Variants in NMT2 observed in about 807,000 individuals in gnomAD.
NMT2 encodes the protein N-myristoyltransferase 2.
Under a neutral mutation model 65.4 loss-of-function variants are expected in NMT2, and 35 were observed. That is an observed-to-expected ratio of 0.54 (90% confidence interval 0.41 to 0.71). NMT2 has a LOEUF of 0.71. Among genes scored for constraint, NMT2 ranks in the 30% least tolerant of loss-of-function variants. The pLI, the probability that NMT2 is intolerant of heterozygous loss-of-function variation, is 0.00. For synonymous variants in NMT2, 226 were observed against 231.8 expected (o/e 0.98, Z 0.23); for missense variants, 489 against 611.3 (o/e 0.80, Z 2.11).
intron 3 of NMT2, among the ~76,000 whole-genome samples, chr10:15,134,057 A>C (rs1256704179): frequency 1.3e-5 from 2 of 152,056 alleles, no homozygotes; most frequent in Admixed American, 6.6e-5. Flanking sequence ...TGTTCTTTTT[A>C]CTGCATTTCC....
intron 1 of NMT2, among the ~76,000 whole-genome samples, chr10:15,142,746 A>C (rs1846820276): frequency 6.6e-6 from 1 of 152,236 alleles, no homozygotes; most frequent in Admixed American, 6.5e-5. Flanking sequence ...AATTTGTGCT[A>C]TCATGATGTT....
Position 15,106,022 on chromosome 10 carries a change from T to C in NMT2, c.*3173A>G, listed in dbSNP as rs1396599546. 9 of 412,460 alleles carry C rather than the reference T, an allele frequency of 2.2e-5. No individual in the cohort carries two copies. The highest frequency in any genetic ancestry group is 3.8e-5 in the Non-Finnish European group (8 of 210,462). 25.6% of individuals were successfully genotyped at this position (412,460 alleles called of 1,614,324 possible). ...TATTTATTTTACTTTCGAGATAGAG[T>C]CTCACTCTGTTGCCCAGGCTGGAGT... On this transcript the variant is annotated 3_prime_UTR_variant, in exon 12 of 12. Transcript: ENST00000378165.
At chr10:15,120,646 T>G (rs916357007) in intron 8 of NMT2, among the ~76,000 whole-genome samples, 1 of 152,138 alleles carries the variant, frequency 6.6e-6, no homozygotes, top group African/African-American at 2.4e-5. Context: ...AAAATACAAC[T>G]GAGCAACTTG....
intron 1 of NMT2, among the ~76,000 whole-genome samples, chr10:15,152,716 A>G (rs1173672740): frequency 1.3e-5 from 2 of 152,218 alleles, no homozygotes; most frequent in Non-Finnish European, 2.9e-5. Flanking sequence ...TCATTTACCA[A>G]TAAAGACACT....
chr10:15,136,582 T>C (rs1192765483), intron 2 of NMT2, among the ~76,000 whole-genome samples: 2 of 152,036 alleles, frequency 1.3e-5, no homozygotes, highest in Non-Finnish European at 2.9e-5. Context: ...ACCATGCCCC[T>C]TCCTCCCGGC....
rs1490879898 is a variant in NMT2, at chr10:15,112,823, C to T, written c.1311G>A (p.Met437Ile). ...IHTETPLLDL[M>I]SDALILAKSK... Reference sequence around the variant, plus strand: ...ATTTAGCCAGGATGAGCGCGTCGCTCATGAGGTCCAGCAGGGGCGTCTCTG... The same window carrying T: ...ATTTAGCCAGGATGAGCGCGTCGCTTATGAGGTCCAGCAGGGGCGTCTCTG... The change falls in exon 10 of 12, where the codon ATG (methionine) becomes ATA (isoleucine). Residue 437 changes from methionine to isoleucine, a missense_variant. By Grantham distance (10) the Met-to-Ile change is conservative. Coordinates refer to ENST00000378165, the MANE Select transcript of NMT2 (RefSeq NM_004808.3). The T allele has an allele frequency of 6.2e-7, 1 of 1,613,640 alleles. No homozygotes were observed. Among genetic ancestry groups the T allele is most frequent in the Non-Finnish European group, 8.5e-7 (1 of 1,179,878 alleles).
At chr10:15,124,918 T>G (rs906359931) in intron 8 of NMT2, among the ~76,000 whole-genome samples, 2 of 152,244 alleles carry the variant, frequency 1.3e-5, no homozygotes, top group African/African-American at 4.8e-5. Context: ...TGTTTGCATC[T>G]TGACAATCGT....
chr10:15,142,123 A>C (rs1227103179), intron 1 of NMT2, among the ~76,000 whole-genome samples: 1 of 152,224 alleles, frequency 6.6e-6, no homozygotes, highest in Non-Finnish European at 1.5e-5. Context: ...TTTGTTACCT[A>C]GCATCTAGGT....
intron 1 of NMT2, among the ~76,000 whole-genome samples, chr10:15,146,807 A>G (rs1364895827): frequency 6.6e-6 from 1 of 152,178 alleles, no homozygotes; most frequent in Non-Finnish European, 1.5e-5. Context: ...TAAGAGTGAC[A>G]TCGGGCTGGG....
intron 1 of NMT2, among the ~76,000 whole-genome samples, chr10:15,143,459 T>C (rs1303481764): frequency 2.0e-5 from 3 of 152,226 alleles, no homozygotes; most frequent in African/African-American, 7.2e-5. Context: ...TCCAAGAAGC[T>C]TGGTTACAGA....
chr10:15,109,020 C>A lies in NMT2; in HGVS notation c.*175G>T. ...ACAGTAAAAAAAGGATGAAGTTTAA[C>A]ATTCTAGCTAGAAACGTACAAATGT... On this transcript the variant is annotated 3_prime_UTR_variant, in exon 12 of 12. Coordinates refer to ENST00000378165, the MANE Select transcript of NMT2 (RefSeq NM_004808.3). 1 of 1,410,214 alleles carries A rather than the reference C, an allele frequency of 7.1e-7. No individual in the cohort carries two copies. The highest frequency in any genetic ancestry group is 1.5e-5 in the South Asian group (1 of 66,840). 87.4% of individuals were successfully genotyped at this position (1,410,214 alleles called of 1,614,324 possible).
At chr10:15,120,910 C>A (rs1845907728) in intron 8 of NMT2, among the ~76,000 whole-genome samples, 1 of 152,194 alleles carries the variant, frequency 6.6e-6, no homozygotes, top group African/African-American at 2.4e-5. Flanking sequence ...GGGTAGGTGT[C>A]TTATCACTAC....
At chr10:15,129,934 A>C (rs1038719824) in intron 7 of NMT2, among the ~76,000 whole-genome samples, 1 of 150,614 alleles carries the variant, frequency 6.6e-6, no homozygotes, top group Non-Finnish European at 1.5e-5. Flanking sequence ...AAAAAAGTAT[A>C]GATCCAGCAT....
In NMT2 at chr10:15,141,821, T is replaced by C. The variant is rs568396488; in HGVS notation, c.111-264A>G. Reference sequence around the variant, plus strand: ...GATTGCAGAGATAAACCACATTTTATAACTGAAGTAAAATAGTTTCCACGG... The same window carrying C: ...GATTGCAGAGATAAACCACATTTTACAACTGAAGTAAAATAGTTTCCACGG... On this transcript the variant is annotated intron_variant, in intron 1 of 11. Transcript: ENST00000378165. Among the ~76,000 whole-genome samples, 3 of 152,362 alleles carry C rather than the reference T, an allele frequency of 2.0e-5. No individual in the cohort carries two copies. The East Asian group carries it at 5.8e-4, about 29-fold the overall frequency.
At chr10:15,138,341 A>T (rs768369891) in intron 2 of NMT2, 6 of 470,906 alleles carry the variant, frequency 1.3e-5, no homozygotes, top group Non-Finnish European at 2.6e-5. Context: ...AGTAGATTCA[A>T]ATAAACACAA....
intron 6 of NMT2, 62 bp from the exon 7 acceptor site, chr10:15,130,374 C>T (rs1846236732): frequency 5.6e-6 from 7 of 1,239,890 alleles, no homozygotes; most frequent in Non-Finnish European, 7.7e-6. Context: ...AGAGTCAACA[C>T]ATTTTAAAAA....
intron 2 of NMT2, chr10:15,138,530 G>A (rs1056173545): frequency 1.5e-5 from 7 of 464,362 alleles, no homozygotes; most frequent in Admixed American, 7.1e-5. Context: ...TAAGAGGCAG[G>A]TATATTCTCT....
At chr10:15,114,497 C>T (rs1845680662) in intron 9 of NMT2, among the ~76,000 whole-genome samples, 1 of 152,128 alleles carries the variant, frequency 6.6e-6, no homozygotes, top group Non-Finnish European at 1.5e-5. Flanking sequence ...CAAAACCCAC[C>T]ATGGCACCAT....
intron 1 of NMT2, among the ~76,000 whole-genome samples, chr10:15,154,115 T>TCTGTCCTGTCTCCCC (rs1296091854): frequency 2.0e-5 from 3 of 152,220 alleles, no homozygotes; most frequent in Non-Finnish European, 4.4e-5. Context: ...GCTGGCTCCC[T>TCTGTCCTGTCTCCCC]CTGTCCTGTC....
Sources: allele counts gnomAD v4.1 joint callset (sites outside exome capture counted in the v4.1 genomes callset), GRCh38; gene constraint gnomAD v4.1.1; transcripts MANE v1.5; gene names NCBI Gene and HGNC (gene_info 2026-07-23, HGNC 2026-07-21).